Variants in PLXNA1 observed in about 807,000 individuals in gnomAD.
The protein encoded by PLXNA1 is plexin A1, also known as plexin-A1.
A neutral mutation model predicts 191.7 loss-of-function variants in PLXNA1; 77 were observed. The observed-to-expected ratio is 0.40, with a 90% CI of 0.33 to 0.49. The LOEUF is 0.49. Among genes scored for constraint, PLXNA1 ranks in the 20% least tolerant of loss-of-function variants. The pLI, the probability that PLXNA1 is intolerant of heterozygous loss-of-function variation, is 0.63. For missense variants in PLXNA1, 2,110 were observed against 2,660.2 expected (o/e 0.79, Z 4.55); for synonymous variants, 1,137 against 1,156.4 (o/e 0.98, Z 0.34).
intron 27 of PLXNA1, 144 bp downstream of exon 27, chr3:127,029,680 C>A: frequency 9.2e-7 from 1 of 1,089,380 alleles, no homozygotes; most frequent in Admixed American, 2.0e-5. Context: ...TTGGCCTTAC[C>A]CTCCAGCTCT....
intron 3 of PLXNA1, among the ~76,000 whole-genome samples, chr3:126,993,620 C>T (rs1470140438): frequency 6.6e-6 from 1 of 152,234 alleles, no homozygotes; most frequent in Non-Finnish European, 1.5e-5. Flanking sequence ...TCCCTCCACC[C>T]CCAAACAAGT....
intron 3 of PLXNA1, among the ~76,000 whole-genome samples, chr3:127,002,297 G>T (rs1409332191): frequency 6.6e-6 from 1 of 152,242 alleles, no homozygotes; most frequent in African/African-American, 2.4e-5. Context: ...GCGGATGTGG[G>T]GGGTGGCCGG....
chr3:127,009,991 A>T (rs1268475825), intron 9 of PLXNA1, among the ~76,000 whole-genome samples: 1 of 152,176 alleles, frequency 6.6e-6, no homozygotes, highest in Non-Finnish European at 1.5e-5. Context: ...TAACAGTTGC[A>T]TGCCCCGCCA....
At chr3:127,026,274 G>A (rs2079176090) in intron 23 of PLXNA1, 1 of 152,276 alleles carries the variant, frequency 6.6e-6, no homozygotes, top group South Asian at 2.1e-4. Context: ...CTGCTGCCTG[G>A]GTTGAGTGTG....
intron 1 of PLXNA1, among the ~76,000 whole-genome samples, chr3:126,984,624 G>A (rs2078948220): frequency 6.6e-6 from 1 of 151,428 alleles, no homozygotes; most frequent in Non-Finnish European, 1.5e-5. Flanking sequence ...CATTCCTGGG[G>A]GGTGCCAGTG....
At chr3:127,033,804 T>G (rs968052177) in intron 31 of PLXNA1, 118 bp from the exon 32 acceptor site, 26 of 804,300 alleles carry the variant, frequency 3.2e-5, no homozygotes, top group Non-Finnish European at 8.0e-6. Flanking sequence ...CAAGGTCCTT[T>G]GGCCAGGGGT....
At chr3:127,015,697 A>G (rs536012715) in intron 15 of PLXNA1, among the ~76,000 whole-genome samples, 1 of 152,356 alleles carries the variant, frequency 6.6e-6, no homozygotes, top group South Asian at 2.1e-4. Context: ...AGGGATGATA[A>G]TGGAATGTCC....
chr3:126,989,873 G>T, intron 2 of PLXNA1, 86 bp downstream of exon 2: 2 of 1,190,424 alleles, frequency 1.7e-6, no homozygotes, highest in Admixed American at 2.1e-5. Context: ...GCCCAGTGGT[G>T]CCTGCTGTGT....
chr3:127,023,587 C>T (rs1227791002), intron 23 of PLXNA1, among the ~76,000 whole-genome samples: 1 of 152,196 alleles, frequency 6.6e-6, no homozygotes, highest in African/African-American at 2.4e-5. Context: ...CTGGCACTGA[C>T]TGCCTGGGTT....
At position 127,014,705 on chromosome 3, in the gene PLXNA1, C is replaced by T; in HGVS notation, c.2757-6C>T. The T allele has an allele frequency of 2.5e-6, 4 of 1,611,262 alleles. No individual in the cohort carries two copies. The highest frequency in any genetic ancestry group is 3.4e-6 in the Non-Finnish European group (4 of 1,179,522). On this transcript the variant is annotated splice_polypyrimidine_tract_variant and splice_region_variant and intron_variant, in intron 13 of 31. Coordinates refer to ENST00000393409, the MANE Select transcript of PLXNA1 (RefSeq NM_032242.4). Reference sequence around the variant, plus strand: ...CCTGCAGCCCCTGAGGCCCGCCTGCCCACAGGATCGTCTGTGAGATCGGGG... The same window carrying T: ...CCTGCAGCCCCTGAGGCCCGCCTGCTCACAGGATCGTCTGTGAGATCGGGG...
chr3:127,032,945 A>G, intron 31 of PLXNA1, 109 bp downstream of exon 31: 1 of 1,200,210 alleles, frequency 8.3e-7, no homozygotes, highest in Non-Finnish European at 1.2e-6. Flanking sequence ...CTGGGCTGCC[A>G]CTGACCACCT....
chr3:127,017,480 A>C lies in PLXNA1; in HGVS notation c.3332A>C (p.Asn1111Thr). ...TMVCRAPSVA[N>T]PVRSPPELGE... ...GTATGCCGCGCCCCGTCTGTGGCCA[A>C]CCCTGTGCGCAGCCCACCAGAGCTG... is the stretch of plus-strand genomic sequence containing the variant. The change falls in exon 18 of 32, where the codon AAC becomes ACC. Residue 1111 changes from asparagine (N) to threonine (T), a missense_variant. Asn to Thr is a moderately conservative substitution (Grantham distance 65). Transcript: ENST00000393409. 6.2e-7 allele frequency: 1 copy of C among 1,613,410 alleles called. No individual in the cohort carries two copies. Among genetic ancestry groups the C allele is most frequent in the South Asian group, 1.1e-5 (1 of 91,070 alleles).
In PLXNA1 at chr3:126,988,561, C is replaced by G. The variant is rs1449558771; in HGVS notation, c.-33C>G. ...CACCATGATGCTCACCCCAGCAGGA[C>G]CAGAGCACCGAGGCCCAAGGCCCCA... On this transcript the variant is annotated 5_prime_UTR_variant, in exon 2 of 32. Coordinates refer to ENST00000393409, the MANE Select transcript of PLXNA1 (RefSeq NM_032242.4). 1.4e-6 allele frequency: 2 copies of G among 1,450,552 alleles called. No homozygotes were observed. The highest frequency in any genetic ancestry group is 2.6e-5 in the Admixed American group (1 of 38,042). The allele number at this position is 1,450,552 out of a possible 1,614,324, so 89.9% of individuals were successfully genotyped here. A position where few individuals can be genotyped will look rare whatever the true frequency, so the allele number is the denominator to read the frequency against.
At chr3:127,013,770 G>C (rs544381478) in intron 10 of PLXNA1, among the ~76,000 whole-genome samples, 5 of 152,356 alleles carry the variant, frequency 3.3e-5, no homozygotes, top group African/African-American at 7.2e-5. Context: ...GTCTCCAAGG[G>C]GGTGCCACAG....
Position 127,000,558 on chromosome 3 carries a change from C to A in PLXNA1, c.1378-2772C>A, listed in dbSNP as rs369220278. On this transcript the variant is annotated intron_variant, in intron 3 of 31. Transcript: ENST00000393409. ...GCTGGGTACTGGCTCCCCCTTCCCA[C>A]TTTACGAGCAGCCTCTGTACTCCTC... is the stretch of plus-strand genomic sequence containing the variant. Among the ~76,000 whole-genome samples, 8 of 152,346 alleles carry A rather than the reference C, an allele frequency of 5.3e-5. No homozygotes were observed. In the South Asian group the frequency reaches 1.7e-3, roughly 32 times the overall value.
rs2078972245 is a variant in PLXNA1 at position 126,988,557 on chromosome 3, A to G, written c.-37A>G. 2 of 1,443,102 alleles carry G rather than the reference A, an allele frequency of 1.4e-6. No homozygotes were observed. Among genetic ancestry groups the G allele is most frequent in the Admixed American group, 5.4e-5 (2 of 37,180 alleles). 89.4% of individuals were successfully genotyped at this position (1,443,102 alleles called of 1,614,324 possible). A position where few individuals can be genotyped will look rare whatever the true frequency, so the allele number is the denominator to read the frequency against. ...CTGGCACCATGATGCTCACCCCAGC[A>G]GGACCAGAGCACCGAGGCCCAAGGC... On this transcript the variant is annotated 5_prime_UTR_variant, in exon 2 of 32. Transcript: ENST00000393409.
At chr3:127,013,234 C>T (rs1160707183) in intron 10 of PLXNA1, among the ~76,000 whole-genome samples, 2 of 152,388 alleles carry the variant, frequency 1.3e-5, no homozygotes, top group South Asian at 2.1e-4. Context: ...CTGCCCTGCA[C>T]TTTCCACCTG....
chr3:127,002,980 C>T (rs1002786592), intron 3 of PLXNA1, among the ~76,000 whole-genome samples: 2 of 152,190 alleles, frequency 1.3e-5, no homozygotes, highest in East Asian at 1.9e-4. Flanking sequence ...GCTAGGCACC[C>T]GTGGGACTCC....
rs114539793 is a variant in PLXNA1, at chr3:127,018,476, G to C, written c.3843G>C (p.Leu1281=). 1.1e-4 allele frequency: 182 copies of C among 1,612,744 alleles called. No homozygotes were observed. The highest frequency in any genetic ancestry group is 1.5e-4 in the Non-Finnish European group (175 of 1,179,732). The change falls in exon 20 of 32, where the codon CTG becomes CTC. Residue 1281 remains leucine, a synonymous_variant. Coordinates refer to ENST00000393409, the MANE Select transcript of PLXNA1 (RefSeq NM_032242.4). ...ATGCTGACCGCACACTCAAGCGGCT[G>C]CAGCTCCAGATGGACAACCTGGAGT... is the stretch of plus-strand genomic sequence containing the variant. ...SRDADRTLKR[L]QLQMDNLESR...
Sources: allele counts gnomAD v4.1 joint callset (sites outside exome capture counted in the v4.1 genomes callset), GRCh38; gene constraint gnomAD v4.1.1; transcripts MANE v1.5; gene names NCBI Gene and HGNC (gene_info 2026-07-23, HGNC 2026-07-21).